KIF26B: variants seen among roughly 807,000 people sequenced by gnomAD.
KIF26B encodes kinesin-like protein KIF26B.
KIF26B carries 63 observed loss-of-function variants against 151.2 expected under a neutral mutation model. The observed-to-expected ratio is 0.42, with a 90% CI of 0.34 to 0.51. The LOEUF (loss-of-function observed/expected upper bound fraction) is 0.51, where lower values mean the gene tolerates loss of function less well. Among genes scored for constraint, KIF26B ranks in the 20% least tolerant of loss-of-function variants. The pLI is 0.07. For synonymous variants in KIF26B, 1,357 were observed against 1,262.1 expected (o/e 1.08, Z -1.59); for missense variants, 2,813 against 2,913.6 (o/e 0.97, Z 0.79).
chr1:245,224,649 G>A (rs56084680), intron 2 of KIF26B, among the ~76,000 whole-genome samples: 1,827 of 152,338 alleles, frequency 0.012, 38 homozygotes, highest in African/African-American at 0.041. Flanking sequence ...GACAAGATTG[G>A]TGGTGATATT....
chr1:245,381,978 A>G (rs1673421942), intron 3 of KIF26B, among the ~76,000 whole-genome samples: 1 of 152,172 alleles, frequency 6.6e-6, no homozygotes, highest in Non-Finnish European at 1.5e-5. Context: ...TTAATGTATC[A>G]ACATTGAGTT....
chr1:245,303,441 G>A (rs1038926499), intron 2 of KIF26B, among the ~76,000 whole-genome samples: 33 of 150,472 alleles, frequency 2.2e-4, no homozygotes, highest in Non-Finnish European at 4.1e-4. Context: ...CTCGTGATCC[G>A]CCCGCCTCGG....
chr1:245,482,752 T>C (rs1660194561), intron 4 of KIF26B, among the ~76,000 whole-genome samples: 2 of 151,746 alleles, frequency 1.3e-5, no homozygotes, highest in Admixed American at 1.3e-4. Flanking sequence ...TGATCACGAC[T>C]AGTGTTCCTA....
chr1:245,163,395 G>A (rs1432844888), intron 2 of KIF26B, among the ~76,000 whole-genome samples: 1 of 152,182 alleles, frequency 6.6e-6, no homozygotes, highest in Non-Finnish European at 1.5e-5. Flanking sequence ...GCCTGCCTTG[G>A]CCTCCCAAAG....
chr1:245,303,359 C>G (rs575971939), intron 2 of KIF26B, among the ~76,000 whole-genome samples: 1 of 150,974 alleles, frequency 6.6e-6, no homozygotes, highest in African/African-American at 2.5e-5. Flanking sequence ...CCACCACGCC[C>G]GGCTAATTTT....
At chr1:245,456,475 A>G (rs186677396) in intron 4 of KIF26B, among the ~76,000 whole-genome samples, 3 of 152,378 alleles carry the variant, frequency 2.0e-5, no homozygotes, top group Non-Finnish European at 4.4e-5. Context: ...ACCCACTCCA[A>G]TACTGAATGC....
At chr1:245,662,075 A>G (rs566668276) in intron 10 of KIF26B, among the ~76,000 whole-genome samples, 62 of 150,896 alleles carry the variant, frequency 4.1e-4, no homozygotes, top group Non-Finnish European at 8.1e-4. Context: ...CCCCATATAT[A>G]TACACCCAAT....
intron 4 of KIF26B, among the ~76,000 whole-genome samples, chr1:245,521,509 C>T (rs1661110117): frequency 6.6e-6 from 1 of 152,108 alleles, no homozygotes; most frequent in South Asian, 2.1e-4. Context: ...CCTTGTAAAA[C>T]CTCTGAGCTA....
At chr1:245,445,991 A>G (rs150053091) in intron 4 of KIF26B, among the ~76,000 whole-genome samples, 2 of 152,344 alleles carry the variant, frequency 1.3e-5, no homozygotes, top group African/African-American at 4.8e-5. Context: ...TTTCTCACAT[A>G]AAGATACAGT....
chr1:245,570,694 T>C (rs2043059056), intron 5 of KIF26B, among the ~76,000 whole-genome samples: 1 of 152,224 alleles, frequency 6.6e-6, no homozygotes, highest in Admixed American at 6.5e-5. Context: ...CAGCTCTTGG[T>C]GTTTGCTCTT....
At chr1:245,672,111 G>A (rs868116768) in intron 10 of KIF26B, among the ~76,000 whole-genome samples, 1 of 152,062 alleles carries the variant, frequency 6.6e-6, no homozygotes, top group African/African-American at 2.4e-5. Context: ...CCCATCGGGC[G>A]AGCCCTGAGG....
At chr1:245,680,322 A>AG (rs748876010) in intron 10 of KIF26B, among the ~76,000 whole-genome samples, 1 of 152,184 alleles carries the variant, frequency 6.6e-6, no homozygotes, top group Non-Finnish European at 1.5e-5. Flanking sequence ...GCCCACATGA[A>AG]GGGCTCACCA....
At chr1:245,200,712 G>A (rs920457681) in intron 2 of KIF26B, among the ~76,000 whole-genome samples, 4 of 152,104 alleles carry the variant, frequency 2.6e-5, no homozygotes, top group African/African-American at 4.8e-5. Context: ...TATCTCTTCC[G>A]GAGTGGAAAC....
chr1:245,169,327 T>TGGTGTGTGGA (rs1553330288), intron 2 of KIF26B, among the ~76,000 whole-genome samples: 1 of 135,420 alleles, frequency 7.4e-6, no homozygotes, highest in East Asian at 2.1e-4. Context: ...TAACGGGCCA[T>TGGTGTGTGGA]GGTGTGTGTG....
chr1:245,673,542 GA>G (rs2044321226), intron 10 of KIF26B, among the ~76,000 whole-genome samples: 1 of 152,204 alleles, frequency 6.6e-6, no homozygotes, highest in Non-Finnish European at 1.5e-5. Context: ...ACGTCTTTTT[GA>G]AAGAACTCTG....
At chr1:245,524,098 G>T (rs1040319917) in intron 4 of KIF26B, among the ~76,000 whole-genome samples, 2 of 152,146 alleles carry the variant, frequency 1.3e-5, no homozygotes, top group African/African-American at 4.8e-5. Context: ...AAAAGACACC[G>T]GTTCCTAGAC....
intron 4 of KIF26B, among the ~76,000 whole-genome samples, chr1:245,501,576 A>C (rs930157359): frequency 1.3e-5 from 2 of 152,216 alleles, no homozygotes; most frequent in African/African-American, 4.8e-5. Flanking sequence ...TCATGCCTGC[A>C]GAGGTATCAT....
At chr1:245,415,573 A>G (rs1345520563) in intron 3 of KIF26B, among the ~76,000 whole-genome samples, 2 of 152,156 alleles carry the variant, frequency 1.3e-5, no homozygotes, top group Non-Finnish European at 2.9e-5. Flanking sequence ...GCTCAGAATC[A>G]TCTACAATGG....
chr1:245,473,551 A>T (rs1367640604), intron 4 of KIF26B, among the ~76,000 whole-genome samples: 1 of 147,492 alleles, frequency 6.8e-6, no homozygotes, highest in Non-Finnish European at 1.5e-5. Flanking sequence ...AAATGACACA[A>T]TTCATCCCAT....
Sources: gnomAD v4.1 joint callset for allele counts (sites outside exome capture counted in the v4.1 genomes callset) on GRCh38, gnomAD v4.1.1 for gene constraint, MANE v1.5 for transcripts, NCBI Gene and HGNC (gene_info 2026-07-23, HGNC 2026-07-21) for gene names.